NMT2: variants seen among roughly 807,000 people sequenced by gnomAD.
The protein encoded by NMT2 is N-myristoyltransferase 2.
NMT2 carries 35 observed loss-of-function variants against 65.4 expected under a neutral mutation model. The observed-to-expected ratio is 0.54, with a 90% CI of 0.41 to 0.71. The LOEUF (loss-of-function observed/expected upper bound fraction) is 0.71, where lower values mean the gene tolerates loss of function less well. Among genes scored for constraint, NMT2 ranks in the 30% least tolerant of loss-of-function variants. NMT2 has a pLI of 0.00. For missense variants in NMT2, 489 were observed against 611.3 expected (o/e 0.80, Z 2.11); for synonymous variants, 226 against 231.8 (o/e 0.98, Z 0.23).
chr10:15,122,859 T>C (rs111938572), intron 8 of NMT2, among the ~76,000 whole-genome samples: 285 of 152,216 alleles, frequency 1.9e-3, no homozygotes, highest in African/African-American at 6.5e-3. Flanking sequence ...ACATGGCCTC[T>C]GGAAGACTTC....
At chr10:15,114,830 C>T (rs944535787) in intron 9 of NMT2, among the ~76,000 whole-genome samples, 2 of 152,092 alleles carry the variant, frequency 1.3e-5, no homozygotes, top group South Asian at 4.1e-4. Flanking sequence ...TGGTGAAACC[C>T]CGTCTCTACT....
At chr10:15,165,764 G>C (rs889066872) in intron 1 of NMT2, among the ~76,000 whole-genome samples, 28 of 151,836 alleles carry the variant, frequency 1.8e-4, no homozygotes, top group African/African-American at 6.5e-4. Context: ...TGTAATCCCA[G>C]CTACTTAGGA....
chr10:15,110,451 G>A (rs2131460108), intron 10 of NMT2, among the ~76,000 whole-genome samples: 1 of 152,126 alleles, frequency 6.6e-6, no homozygotes, highest in South Asian at 2.1e-4. Context: ...ATAGGTGTAG[G>A]TGTAGGTACA....
chr10:15,154,916 A>G (rs1215464799), intron 1 of NMT2: 1 of 936,982 alleles, frequency 1.1e-6, no homozygotes, highest in South Asian at 1.3e-5. Flanking sequence ...CAGAGACCAC[A>G]TGCTTGCCAT....
At chr10:15,130,703 CAAAAAAAAAAA>C (rs974360507) in intron 6 of NMT2, among the ~76,000 whole-genome samples, 2 of 28,634 alleles carry the variant, frequency 7.0e-5, no homozygotes, top group African/African-American at 1.2e-4. Flanking sequence ...GGCCCTGTCT[CAAAAAAAAAAA>C]AAAAAAAAAA....
chr10:15,130,139 T>TG lies in NMT2; in HGVS notation c.890+2_890+3insC, dbSNP rs760681260. 6.7e-7 allele frequency: 1 copy of TG among 1,499,008 alleles called. No homozygotes were observed. 92.9% of individuals were successfully genotyped at this position (1,499,008 alleles called of 1,614,324 possible). A position where few individuals can be genotyped will look rare whatever the true frequency, so the allele number is the denominator to read the frequency against. ...ACCTGAGGTAGAAATATGGTACTGG[T>TG]ACCTGCATGTGGCTATGGGCTTAGG... On this transcript the variant is annotated splice_region_variant and intron_variant, in intron 7 of 11. Coordinates refer to ENST00000378165, the MANE Select transcript of NMT2 (RefSeq NM_004808.3).
intron 2 of NMT2, among the ~76,000 whole-genome samples, chr10:15,139,594 C>T (rs1228848458): frequency 1.3e-5 from 2 of 151,748 alleles, no homozygotes; most frequent in African/African-American, 4.8e-5. Flanking sequence ...CTATGAGTTA[C>T]CTTGGAAAGC....
At chr10:15,113,237 G>A (rs1033337623) in intron 9 of NMT2, among the ~76,000 whole-genome samples, 2 of 151,912 alleles carry the variant, frequency 1.3e-5, no homozygotes, top group Non-Finnish European at 2.9e-5. Flanking sequence ...TTGGGAGGAT[G>A]AGGCGTGTGG....
At position 15,108,098 on chromosome 10, in the gene NMT2, TTTTCTTCATATATCC is replaced by T; in HGVS notation, c.*1082_*1096del. On this transcript the variant is annotated 3_prime_UTR_variant, in exon 12 of 12. Coordinates refer to ENST00000378165, the MANE Select transcript of NMT2 (RefSeq NM_004808.3). The stretch of plus-strand genomic sequence containing the variant: ...TTTGACTTTACAGTTTTTTATTTCC[TTTTCTTCATATATCC>T]TTGATGTTGCTGAGAAGAAACTGAA... 2 of 985,596 alleles carry T rather than the reference TTTTCTTCATATATCC, an allele frequency of 2.0e-6. No homozygotes were observed. The highest frequency in any genetic ancestry group is 2.4e-6 in the Non-Finnish European group (2 of 829,916). The allele number at this position is 985,596 out of a possible 1,614,324, so 61.1% of individuals were successfully genotyped here.
intron 6 of NMT2, among the ~76,000 whole-genome samples, chr10:15,132,006 C>A (rs796203604): frequency 8.5e-5 from 13 of 152,148 alleles, no homozygotes; most frequent in African/African-American, 3.1e-4. Context: ...GCTAGGATTA[C>A]AGGCACGTGC....
At chr10:15,119,946 G>T (rs1370453883) in intron 8 of NMT2, among the ~76,000 whole-genome samples, 1 of 152,140 alleles carries the variant, frequency 6.6e-6, no homozygotes, top group Non-Finnish European at 1.5e-5. Context: ...CATGACTTCT[G>T]GAGTACAGGC....
chr10:15,116,860 C>T (rs1323362439), intron 9 of NMT2, among the ~76,000 whole-genome samples: 1 of 152,128 alleles, frequency 6.6e-6, no homozygotes, highest in African/African-American at 2.4e-5. Flanking sequence ...AAAACTCAAC[C>T]AAGATGAAAC....
rs777221656 is a variant in NMT2, at chr10:15,119,366, T to C, written c.1147A>G (p.Ile383Val). Reference sequence around the variant, plus strand: ...ACCTCCACTACAAACGTGTCAATAATGTGCTCCCGGGGGAGGAACCAGTGG... The same window carrying C: ...ACCTCCACTACAAACGTGTCAATAACGTGCTCCCGGGGGAGGAACCAGTGG... Reference protein sequence around the residue: ...VAHWFLPREHIIDTFVVESPN... With the variant: ...VAHWFLPREHVIDTFVVESPN... The change falls in exon 9 of 12, where the codon ATT becomes GTT. Residue 383 changes from isoleucine (I) to valine (V), a missense_variant. Ile to Val is a conservative substitution (Grantham distance 29). Coordinates refer to ENST00000378165, the MANE Select transcript of NMT2 (RefSeq NM_004808.3). The C allele has an allele frequency of 1.9e-6, 3 of 1,614,088 alleles. No homozygotes were observed. Among genetic ancestry groups the C allele is most frequent in the East Asian group, 2.2e-5 (1 of 44,890 alleles).
chr10:15,124,086 C>T (rs981410694), intron 8 of NMT2, among the ~76,000 whole-genome samples: 1 of 152,300 alleles, frequency 6.6e-6, no homozygotes, highest in East Asian at 1.9e-4. Context: ...TAAGCAAGCA[C>T]ACCCTCCTTG....
intron 1 of NMT2, chr10:15,154,985 A>G: frequency 8.6e-7 from 1 of 1,164,636 alleles, no homozygotes; most frequent in Non-Finnish European, 1.3e-6. Flanking sequence ...TGTTGGGTCC[A>G]GCATTTGCCA....
Position 15,133,140 on chromosome 10 carries a change from T to G in NMT2, c.515A>C (p.Lys172Thr). 1.2e-6 allele frequency: 2 copies of G among 1,610,194 alleles called. No individual in the cohort carries two copies. The highest frequency in any genetic ancestry group is 1.7e-6 in the Non-Finnish European group (2 of 1,176,372). Residue 172 changes from lysine (K) to threonine (T), a missense_variant, in exon 5 of 12, where the codon AAG becomes ACG. Lys to Thr is a moderately conservative substitution (Grantham distance 78). Transcript: ENST00000378165. ...TLDLSDAEVLKELYTLLNENY... is the reference protein window; with the variant it reads ...TLDLSDAEVLTELYTLLNENY... ...CTCATTTAACAACGTGTATAACTCC[T>G]TGAGCTATAAGATAAAACAAGTGTC...
At chr10:15,110,569 G>A (rs148229034) in intron 10 of NMT2, among the ~76,000 whole-genome samples, 34 of 152,310 alleles carry the variant, frequency 2.2e-4, no homozygotes, top group African/African-American at 8.2e-4. Context: ...CGAAGAGGTC[G>A]AGGCTGCAGT....
intron 2 of NMT2, among the ~76,000 whole-genome samples, chr10:15,139,280 CTATCTATCTATCT>C (rs1846639886): frequency 6.8e-6 from 1 of 147,566 alleles, no homozygotes; most frequent in Non-Finnish European, 1.5e-5. Flanking sequence ...ATCTATCTAT[CTATCTATCTATCT>C]ATCCATCCAT....
At chr10:15,141,728 G>T (rs941797465) in intron 1 of NMT2, among the ~76,000 whole-genome samples, 171 bp from the exon 2 acceptor site, 1 of 152,198 alleles carries the variant, frequency 6.6e-6, no homozygotes, top group African/African-American at 2.4e-5. Flanking sequence ...GACGGTAACA[G>T]GCAATGCAGA....
Sources: allele counts gnomAD v4.1 joint callset (sites outside exome capture counted in the v4.1 genomes callset), GRCh38; gene constraint gnomAD v4.1.1; transcripts MANE v1.5; gene names NCBI Gene and HGNC (gene_info 2026-07-23, HGNC 2026-07-21).